KCNQ3: variants seen among roughly 807,000 people sequenced by gnomAD.
KCNQ3 encodes potassium voltage-gated channel subfamily KQT member 3.
KCNQ3 carries 30 observed loss-of-function variants against 92.5 expected under a neutral mutation model. The observed-to-expected ratio is 0.32, with a 90% confidence interval of 0.24 to 0.44. The LOEUF (loss-of-function observed/expected upper bound fraction) is 0.44, where lower values mean the gene tolerates loss of function less well. KCNQ3 is among the 20% of genes least tolerant of loss of function. The probability of loss-of-function intolerance (pLI) is 1.00; values close to 1 mark genes in which losing one functional copy is unlikely to be tolerated. For missense variants in KCNQ3, 913 were observed against 1,140.3 expected (o/e 0.80, Z 2.87); for synonymous variants, 450 against 468.8 (o/e 0.96, Z 0.52).
intron 1 of KCNQ3, among the ~76,000 whole-genome samples, chr8:132,310,272 T>C (rs563857699): frequency 5.8e-4 from 88 of 151,940 alleles, no homozygotes; most frequent in African/African-American, 2.1e-3. Flanking sequence ...GCTTGGTAGC[T>C]GCCTGTGTGA....
At chr8:132,155,149 A>G (rs543883088) in intron 9 of KCNQ3, among the ~76,000 whole-genome samples, 1 of 152,138 alleles carries the variant, frequency 6.6e-6, no homozygotes, top group Non-Finnish European at 1.5e-5. Flanking sequence ...CCGACACTAC[A>G]TTGTTCTTTT....
intron 1 of KCNQ3, among the ~76,000 whole-genome samples, chr8:132,366,067 G>T (rs11990186): frequency 0.04 from 6,075 of 152,194 alleles, 351 homozygotes; most frequent in African/African-American, 0.13. Context: ...ACTATATAGA[G>T]AAATACAGAC....
At chr8:132,318,844 G>T (rs549763011) in intron 1 of KCNQ3, among the ~76,000 whole-genome samples, 5 of 152,278 alleles carry the variant, frequency 3.3e-5, no homozygotes, top group African/African-American at 1.2e-4. Context: ...TTTTCCTCAG[G>T]AATTTTTACC....
At chr8:132,399,054 C>T (rs948241978) in intron 1 of KCNQ3, among the ~76,000 whole-genome samples, 3 of 152,212 alleles carry the variant, frequency 2.0e-5, no homozygotes, top group South Asian at 2.1e-4. Context: ...AGTCCACCAA[C>T]AAAATAGGAA....
In KCNQ3 at chr8:132,132,274, A is replaced by G. The variant is rs774538909; in HGVS notation, c.1800-10T>C. Reference sequence around the variant, plus strand: ...TACATATGGTTCATTCCTAAGAAGAAGCGAACACTTCTATAAGATCATTAT... The same window carrying G: ...TACATATGGTTCATTCCTAAGAAGAGGCGAACACTTCTATAAGATCATTAT... On this transcript the variant is annotated splice_polypyrimidine_tract_variant and intron_variant, in intron 13 of 14. Coordinates refer to ENST00000388996, the MANE Select transcript of KCNQ3 (RefSeq NM_004519.4). The G allele has an allele frequency of 1.2e-5, 19 of 1,601,624 alleles. No homozygotes were observed. Among genetic ancestry groups the G allele is most frequent in the Non-Finnish European group, 1.6e-5 (19 of 1,168,752 alleles).
At chr8:132,407,293 C>T (rs750642322) in intron 1 of KCNQ3, among the ~76,000 whole-genome samples, 11 of 152,304 alleles carry the variant, frequency 7.2e-5, no homozygotes, top group Non-Finnish European at 1.2e-4. Flanking sequence ...TCAGTGGCAG[C>T]GGACACCCTT....
intron 1 of KCNQ3, among the ~76,000 whole-genome samples, chr8:132,226,883 A>G (rs1002802947): frequency 6.6e-6 from 1 of 152,146 alleles, no homozygotes; most frequent in Non-Finnish European, 1.5e-5. Context: ...GTTTAGAAAT[A>G]TCACATCCAT....
At chr8:132,248,194 G>A (rs1431597914) in intron 1 of KCNQ3, among the ~76,000 whole-genome samples, 1 of 152,038 alleles carries the variant, frequency 6.6e-6, no homozygotes, top group East Asian at 1.9e-4. Flanking sequence ...GGGTTTCTGA[G>A]AATTACAGCT....
chr8:132,322,956 C>T (rs1486373527), intron 1 of KCNQ3, among the ~76,000 whole-genome samples: 1 of 152,150 alleles, frequency 6.6e-6, no homozygotes, highest in Non-Finnish European at 1.5e-5. Context: ...TGCGTTGGTG[C>T]TGAGTCGAGC....
chr8:132,391,508 C>G (rs1820046745), intron 1 of KCNQ3, among the ~76,000 whole-genome samples: 1 of 152,080 alleles, frequency 6.6e-6, no homozygotes, highest in African/African-American at 2.4e-5. Flanking sequence ...GGTAATGGCA[C>G]TGACAAAACA....
intron 1 of KCNQ3, among the ~76,000 whole-genome samples, chr8:132,397,726 T>TTAA (rs1193612513): frequency 2.0e-5 from 3 of 152,088 alleles, no homozygotes; most frequent in African/African-American, 4.8e-5. Flanking sequence ...TTTCCCTTCA[T>TTAA]TAATAATAAT....
chr8:132,357,700 G>A (rs73343888), intron 1 of KCNQ3, among the ~76,000 whole-genome samples: 4,440 of 152,308 alleles, frequency 0.029, 231 homozygotes, highest in African/African-American at 0.1. Flanking sequence ...TCTCCAAGCT[G>A]TTGCTTCTGT....
At chr8:132,223,900 C>A (rs893101005) in intron 1 of KCNQ3, among the ~76,000 whole-genome samples, 2 of 151,626 alleles carry the variant, frequency 1.3e-5, no homozygotes, top group Admixed American at 6.6e-5. Context: ...ATTAAAAATC[C>A]AATAACAAAT....
intron 1 of KCNQ3, among the ~76,000 whole-genome samples, chr8:132,441,547 C>T (rs1821537022): frequency 6.6e-6 from 1 of 151,912 alleles, no homozygotes; most frequent in Admixed American, 6.6e-5. Flanking sequence ...GAGCGAGACT[C>T]TGGCTCCAAA....
In KCNQ3 at chr8:132,129,172, G is replaced by C; in HGVS notation, c.*90C>G. 1.3e-6 allele frequency: 2 copies of C among 1,492,304 alleles called. No individual in the cohort carries two copies. Among genetic ancestry groups the C allele is most frequent in the South Asian group, 2.4e-5 (2 of 83,800 alleles). 92.4% of individuals were successfully genotyped at this position (1,492,304 alleles called of 1,614,324 possible). A position where few individuals can be genotyped will look rare whatever the true frequency, so the allele number is the denominator to read the frequency against. On this transcript the variant is annotated 3_prime_UTR_variant, in exon 15 of 15. Transcript: ENST00000388996. The surrounding 1 kb of genome is among the most constrained non-coding windows in gnomAD (Gnocchi z 5.9). ...ACGCATGCATTTGATGCAGCCATTGGTGTCCCCGCTGGTAAGCGTCGGGTG... is the reference window on the plus strand; with the variant it reads ...ACGCATGCATTTGATGCAGCCATTGCTGTCCCCGCTGGTAAGCGTCGGGTG...
intron 1 of KCNQ3, among the ~76,000 whole-genome samples, chr8:132,239,877 C>T (rs528569031): frequency 2.6e-5 from 4 of 152,264 alleles, no homozygotes; most frequent in Admixed American, 6.5e-5. Flanking sequence ...TTTAAAGGTC[C>T]GATGACAACC....
intron 1 of KCNQ3, among the ~76,000 whole-genome samples, chr8:132,378,525 A>G (rs1462614013): frequency 6.6e-6 from 1 of 152,250 alleles, no homozygotes; most frequent in African/African-American, 2.4e-5. Flanking sequence ...ACACTTTTCC[A>G]TACATTGCCT....
Position 132,310,936 on chromosome 8 carries a change from C to CT in KCNQ3, c.387-124756dup, listed in dbSNP as rs941822935. ...AAATGGTATCAGAGTCACCTTACGA[C>CT]TTTTTTTTTTCTTTTTTTTTTTTGA... is the stretch of plus-strand genomic sequence containing the variant. On this transcript the variant is annotated intron_variant, in intron 1 of 14. Transcript: ENST00000388996. Among the ~76,000 whole-genome samples the CT allele has an allele frequency of 2.6e-3, 388 of 147,768 alleles. 1 individual carries two copies. Among genetic ancestry groups the CT allele is most frequent in the African/African-American group, 9.0e-3 (361 of 40,176 alleles).
intron 1 of KCNQ3, among the ~76,000 whole-genome samples, chr8:132,305,285 T>C (rs1817384207): frequency 6.6e-6 from 1 of 152,196 alleles, no homozygotes; most frequent in Non-Finnish European, 1.5e-5. Context: ...TACTACAAAT[T>C]GATGTAACCA....
Sources: gnomAD v4.1 joint callset for allele counts (sites outside exome capture counted in the v4.1 genomes callset) on GRCh38, gnomAD v4.1.1 for gene constraint, Gnocchi (gnomAD v3.1) non-coding constraint, MANE v1.5 for transcripts, NCBI Gene and HGNC (gene_info 2026-07-23, HGNC 2026-07-21) for gene names.